LRRC4C: variants seen among roughly 807,000 people sequenced by gnomAD.
LRRC4C encodes the protein leucine-rich repeat-containing protein 4C.
In LRRC4C, 5 loss-of-function variants were observed where a neutral mutation model predicts 33.6. That is an observed-to-expected ratio of 0.15 (90% CI 0.08 to 0.31). The LOEUF is 0.31. LRRC4C is among the 10% of genes least tolerant of loss of function. The pLI is 1.00. For synonymous variants in LRRC4C, 329 were observed against 302.0 expected (o/e 1.09, Z -0.93); for missense variants, 560 against 796.7 (o/e 0.70, Z 3.58).
At chr11:41,406,136 A>G (rs982977522) in intron 1 of LRRC4C, among the ~76,000 whole-genome samples, 2 of 152,184 alleles carry the variant, frequency 1.3e-5, no homozygotes, top group African/African-American at 2.4e-5. Context: ...TAAAGAAGCT[A>G]CATAAGTATG....
intron 5 of LRRC4C, among the ~76,000 whole-genome samples, chr11:40,176,030 A>G (rs141622621): frequency 9.3e-4 from 142 of 152,182 alleles, no homozygotes; most frequent in African/African-American, 3.3e-3. Context: ...GCTCACATCA[A>G]GATGATACAA....
At chr11:41,134,940 A>G (rs1943189361) in intron 1 of LRRC4C, among the ~76,000 whole-genome samples, 1 of 152,178 alleles carries the variant, frequency 6.6e-6, no homozygotes, top group African/African-American at 2.4e-5. Context: ...TTAGTAATAC[A>G]ACTATCATTA....
chr11:40,315,302 C>A (rs1945521812), intron 4 of LRRC4C, among the ~76,000 whole-genome samples: 1 of 151,732 alleles, frequency 6.6e-6, no homozygotes, highest in Non-Finnish European at 1.5e-5. Context: ...AGGAAGAAGT[C>A]ATTTTTATCC....
chr11:40,632,475 A>G (rs1239917063), intron 3 of LRRC4C, among the ~76,000 whole-genome samples: 1 of 152,208 alleles, frequency 6.6e-6, no homozygotes, highest in Non-Finnish European at 1.5e-5. Context: ...GCTTTTGCAT[A>G]TCTGTATTTT....
intron 5 of LRRC4C, among the ~76,000 whole-genome samples, chr11:40,189,224 T>A (rs1411680918): frequency 1.3e-5 from 2 of 150,872 alleles, no homozygotes; most frequent in African/African-American, 2.4e-5. Flanking sequence ...TTTCCCCTTT[T>A]AATAGAATCT....
chr11:40,364,017 A>G (rs1948090546), intron 3 of LRRC4C, among the ~76,000 whole-genome samples: 1 of 152,200 alleles, frequency 6.6e-6, no homozygotes, highest in Non-Finnish European at 1.5e-5. Flanking sequence ...AGACTAATGG[A>G]TATTCTGTAC....
intron 1 of LRRC4C, among the ~76,000 whole-genome samples, chr11:41,180,456 T>C (rs1429393219): frequency 2.0e-5 from 3 of 152,220 alleles, no homozygotes; most frequent in Non-Finnish European, 4.4e-5. Context: ...AAAAGAACTT[T>C]GATCCAGAGG....
At chr11:40,680,180 T>A (rs1434929036) in intron 2 of LRRC4C, among the ~76,000 whole-genome samples, 1 of 152,186 alleles carries the variant, frequency 6.6e-6, no homozygotes, top group Non-Finnish European at 1.5e-5. Context: ...TTCGGCCAAT[T>A]TCTCCCATTT....
At chr11:41,036,978 A>AAAG (rs1290612248) in intron 1 of LRRC4C, among the ~76,000 whole-genome samples, 1 of 151,894 alleles carries the variant, frequency 6.6e-6, no homozygotes, top group African/African-American at 2.4e-5. Context: ...AAAGACAATG[A>AAAG]AAGGCTCAAA....
rs987396284 is a variant in LRRC4C at position 40,892,853 on chromosome 11, C to A, written c.-407+40782G>T. 4.6e-5 allele frequency among the ~76,000 whole-genome samples: 7 copies of A among 151,960 alleles called. No homozygotes were observed. In the East Asian group the frequency reaches 1.2e-3, roughly 25 times the overall value. ...GGATAATGAAAACATTTTGTATATA[C>A]AAGATAGTAGTGGTTGTTACACAAT... On this transcript the variant is annotated intron_variant, in intron 2 of 6. Transcript: ENST00000528697.
intron 5 of LRRC4C, among the ~76,000 whole-genome samples, chr11:40,200,010 A>G (rs1782839444): frequency 6.6e-6 from 1 of 151,922 alleles, no homozygotes; most frequent in African/African-American, 2.4e-5. Context: ...GGCCTTGGTC[A>G]TTCTGTGGCT....
At chr11:40,902,890 A>G (rs1439101211) in intron 2 of LRRC4C, among the ~76,000 whole-genome samples, 3 of 152,178 alleles carry the variant, frequency 2.0e-5, no homozygotes, top group East Asian at 1.9e-4. Context: ...TCTTTAAAAC[A>G]TAAAAGTACA....
intron 2 of LRRC4C, among the ~76,000 whole-genome samples, chr11:40,873,691 T>C (rs1397915448): frequency 6.6e-6 from 1 of 152,144 alleles, no homozygotes; most frequent in African/African-American, 2.4e-5. Context: ...ACAATTGAGG[T>C]AGTAGGATTG....
intron 1 of LRRC4C, among the ~76,000 whole-genome samples, chr11:41,065,033 C>CT (rs1938114305): frequency 1.3e-5 from 2 of 152,228 alleles, no homozygotes; most frequent in Admixed American, 6.5e-5. Flanking sequence ...ACAGCGGCGC[C>CT]TGGTACTCCA....
At chr11:40,301,451 TG>T (rs1944770868) in intron 4 of LRRC4C, among the ~76,000 whole-genome samples, 1 of 152,216 alleles carries the variant, frequency 6.6e-6, no homozygotes, top group Admixed American at 6.6e-5. Context: ...AATTAGGAGA[TG>T]GTGTGAATCC....
At chr11:40,145,730 CACTT>C (rs1328943750) in intron 5 of LRRC4C, among the ~76,000 whole-genome samples, 3 of 152,176 alleles carry the variant, frequency 2.0e-5, no homozygotes, top group Middle Eastern at 3.2e-3. Flanking sequence ...CAACAGTTCT[CACTT>C]ACTCCTTTCT....
At chr11:41,021,131 G>A (rs955172497) in intron 1 of LRRC4C, among the ~76,000 whole-genome samples, 2 of 150,364 alleles carry the variant, frequency 1.3e-5, no homozygotes, top group Non-Finnish European at 2.9e-5. Flanking sequence ...CAAAGTCCCT[G>A]TTATTTTGTT....
chr11:40,775,809 C>T (rs1169507130), intron 2 of LRRC4C, among the ~76,000 whole-genome samples: 2 of 152,084 alleles, frequency 1.3e-5, no homozygotes, highest in African/African-American at 4.8e-5. Context: ...CTTCCAGCAC[C>T]CTGTTGAACA....
intron 3 of LRRC4C, among the ~76,000 whole-genome samples, chr11:40,322,990 C>G (rs1945925697): frequency 6.6e-6 from 1 of 152,030 alleles, no homozygotes; most frequent in Admixed American, 6.6e-5. Flanking sequence ...CTAAAGTAAC[C>G]AGCATTGTCA....
Sources: gnomAD v4.1 joint callset for allele counts (sites outside exome capture counted in the v4.1 genomes callset) on GRCh38, gnomAD v4.1.1 for gene constraint, MANE v1.5 for transcripts, NCBI Gene and HGNC (gene_info 2026-07-23, HGNC 2026-07-21) for gene names.